PRLR: variants seen among roughly 807,000 people sequenced by gnomAD.
PRLR encodes the protein hPRL receptor.
PRLR carries 13 observed loss-of-function variants against 40.2 expected under a neutral mutation model. The ratio of observed to expected loss-of-function variants is 0.32; its 90% CI spans 0.21 to 0.51. PRLR has a LOEUF of 0.51. PRLR is among the 20% of genes least tolerant of loss of function. The pLI is 0.97. For missense variants in PRLR, 656 were observed against 747.3 expected (o/e 0.88, Z 1.42); for synonymous variants, 269 against 278.7 (o/e 0.97, Z 0.35).
At chr5:35,202,287 C>G (rs1262064615) in intron 1 of PRLR, among the ~76,000 whole-genome samples, 1 of 152,180 alleles carries the variant, frequency 6.6e-6, no homozygotes, top group Non-Finnish European at 1.5e-5. Flanking sequence ...AGTCAAGAGA[C>G]CTGAGTCAAG....
intron 1 of PRLR, among the ~76,000 whole-genome samples, chr5:35,213,844 G>A (rs1238748990): frequency 6.6e-6 from 1 of 152,144 alleles, no homozygotes; most frequent in Non-Finnish European, 1.5e-5. Context: ...ATGGAAACAG[G>A]TATGCTTTGT....
intron 5 of PRLR, chr5:35,081,327 A>G (rs1018085875): frequency 2.5e-5 from 5 of 199,074 alleles, no homozygotes; most frequent in African/African-American, 9.5e-5. Flanking sequence ...TGATCTGTGC[A>G]TCTGTTGGTG....
intron 1 of PRLR, among the ~76,000 whole-genome samples, chr5:35,144,620 AT>A (rs752141245): frequency 0.017 from 2,343 of 137,544 alleles, 43 homozygotes; most frequent in African/African-American, 0.046. Context: ...TGCCTGGCTA[AT>A]TTTTTTTTTT....
chr5:35,051,600 C>A (rs1768500419), downstream of PRLR, among the ~76,000 whole-genome samples: 1 of 152,178 alleles, frequency 6.6e-6, no homozygotes, highest in Non-Finnish European at 1.5e-5. Flanking sequence ...AGTGAATTAT[C>A]TCACAAGGAT....
rs377432958 is a variant in PRLR at position 35,107,901 on chromosome 5, T to G, written c.-44+10160A>C. ...AGGCCAGCATCATCCTGATACCAAA[T>G]CCTGGCAGAGACACACACAAAAAAG... On this transcript the variant is annotated intron_variant, in intron 2 of 9. Transcript: ENST00000618457. Among the ~76,000 whole-genome samples, 17 of 152,122 alleles carry G rather than the reference T, an allele frequency of 1.1e-4. No individual in the cohort carries two copies. In the East Asian group the frequency reaches 2.9e-3, roughly 26 times the overall value.
At chr5:35,214,334 TG>T (rs1224107986) in intron 1 of PRLR, among the ~76,000 whole-genome samples, 1 of 152,244 alleles carries the variant, frequency 6.6e-6, no homozygotes, top group Non-Finnish European at 1.5e-5. Flanking sequence ...GTGCCATTTG[TG>T]GGTGAATGTA....
At chr5:35,190,430 C>T (rs1341601649) in intron 1 of PRLR, among the ~76,000 whole-genome samples, 1 of 152,096 alleles carries the variant, frequency 6.6e-6, no homozygotes, top group Non-Finnish European at 1.5e-5. Context: ...CGTGGCAAAA[C>T]CCTGTCTCTA....
At chr5:35,165,605 C>T (rs141854051) in intron 1 of PRLR, among the ~76,000 whole-genome samples, 44 of 152,220 alleles carry the variant, frequency 2.9e-4, no homozygotes, top group Middle Eastern at 6.8e-3. Flanking sequence ...ACAAATAATG[C>T]CTGGGTAACC....
At chr5:35,228,702 G>C (rs1326623519) in intron 1 of PRLR, among the ~76,000 whole-genome samples, 1 of 152,216 alleles carries the variant, frequency 6.6e-6, no homozygotes. Flanking sequence ...CCTGGAGTCA[G>C]AGGCTGGTAG....
In PRLR at chr5:35,059,831, A is replaced by G. The variant is rs146832920; in HGVS notation, c.*5258T>C. On this transcript the variant is annotated 3_prime_UTR_variant, in exon 10 of 10. Transcript: ENST00000618457. ...CAGACCTCCAGTATCTAGTCATCGA[A>G]GTAACTTGGGTTTATTTATTGAGAC... The G allele has an allele frequency of 6.6e-6, 1 of 152,264 alleles. No individual in the cohort carries two copies. Among genetic ancestry groups the G allele is most frequent in the East Asian group, 1.9e-4 (1 of 5,174 alleles). The allele number at this position is 152,264 out of a possible 1,614,324, so 9.4% of individuals were successfully genotyped here.
intron 5 of PRLR, among the ~76,000 whole-genome samples, chr5:35,075,909 T>A (rs1770060407): frequency 6.6e-6 from 1 of 152,198 alleles, no homozygotes; most frequent in Admixed American, 6.5e-5. Flanking sequence ...CCTCTGCTGG[T>A]GATACCCAGG....
chr5:35,228,662 G>A (rs765498060), intron 1 of PRLR, among the ~76,000 whole-genome samples: 23 of 152,184 alleles, frequency 1.5e-4, no homozygotes, highest in Non-Finnish European at 3.1e-4. Context: ...CCTTAGGAGA[G>A]TCATTAAAAA....
At chr5:35,100,729 G>A (rs1264522129) in intron 2 of PRLR, among the ~76,000 whole-genome samples, 1 of 152,176 alleles carries the variant, frequency 6.6e-6, no homozygotes, top group Non-Finnish European at 1.5e-5. Context: ...ATGCATGACT[G>A]TACTTCTAGC....
intron 9 of PRLR, among the ~76,000 whole-genome samples, chr5:35,066,761 CT>C (rs70973025): frequency 0.022 from 2,526 of 116,508 alleles, 32 homozygotes; most frequent in African/African-American, 0.087. Flanking sequence ...ACTCTTGCCT[CT>C]TTTTTTTTTT....
At chr5:35,211,158 T>C (rs16872798) in intron 1 of PRLR, among the ~76,000 whole-genome samples, 12,193 of 152,276 alleles carry the variant, frequency 0.08, 887 homozygotes, top group African/African-American at 0.19. Flanking sequence ...TTGTAGCCAG[T>C]TTAGAGCACT....
chr5:35,090,936 G>C (rs954145117), intron 2 of PRLR, among the ~76,000 whole-genome samples: 1 of 149,928 alleles, frequency 6.7e-6, no homozygotes, highest in Non-Finnish European at 1.5e-5. Context: ...TCGGCCTCCC[G>C]AGTAGCTGGG....
intron 1 of PRLR, among the ~76,000 whole-genome samples, chr5:35,163,059 T>C (rs960048237): frequency 6.6e-6 from 1 of 152,018 alleles, no homozygotes; most frequent in Non-Finnish European, 1.5e-5. Flanking sequence ...CACACTGGGG[T>C]GGAGCCACAG....
intron 1 of PRLR, among the ~76,000 whole-genome samples, chr5:35,128,443 T>C (rs1579706365): frequency 6.6e-6 from 1 of 151,842 alleles, no homozygotes; most frequent in Admixed American, 6.6e-5. Flanking sequence ...ACAATGCGAA[T>C]ACTATGTAAA....
chr5:35,095,090 A>G (rs576002743), intron 2 of PRLR, among the ~76,000 whole-genome samples: 1 of 152,254 alleles, frequency 6.6e-6, no homozygotes, highest in Non-Finnish European at 1.5e-5. Flanking sequence ...TGGCCTCCCA[A>G]AGGTCTGTGA....
Sources: gnomAD v4.1 joint callset for allele counts (sites outside exome capture counted in the v4.1 genomes callset) on GRCh38, gnomAD v4.1.1 for gene constraint, MANE v1.5 for transcripts, NCBI Gene and HGNC (gene_info 2026-07-23, HGNC 2026-07-21) for gene names.